The following TRABD2B variants were observed in gnomAD, a reference collection of about 807,000 sequenced individuals.
TRABD2B encodes TraB domain containing 2B, also known as metalloprotease TIKI2.
A neutral mutation model predicts 40.1 loss-of-function variants in TRABD2B; 14 were observed. The observed-to-expected ratio is 0.35, with a 90% CI of 0.23 to 0.55. TRABD2B has a LOEUF of 0.55. TRABD2B is among the 20% of genes least tolerant of loss of function. TRABD2B has a pLI of 0.90. For synonymous variants in TRABD2B, 263 were observed against 277.0 expected (o/e 0.95, Z 0.50); for missense variants, 541 against 648.6 (o/e 0.83, Z 1.80).
At position 47,813,294 on chromosome 1, in the gene TRABD2B, T is replaced by C. The variant is rs1011823810; in HGVS notation, c.667-11675A>G. 3.3e-5 allele frequency among the ~76,000 whole-genome samples: 5 copies of C among 152,142 alleles called. No homozygotes were observed. Among genetic ancestry groups the C allele is most frequent in the African/African-American group, 4.8e-5 (2 of 41,414 alleles). On this transcript the variant is annotated intron_variant, in intron 2 of 6. Coordinates refer to ENST00000606738, the MANE Select transcript of TRABD2B (RefSeq NM_001194986.2). The surrounding 1 kb of genome is among the most constrained non-coding windows in gnomAD (Gnocchi z 4.3). ...TCCAGCAGTATGGGGACCTCTGCTCTTCCTTAGTCCTGGGCAGTAGCCAAG... is the reference window on the plus strand; with the variant it reads ...TCCAGCAGTATGGGGACCTCTGCTCCTCCTTAGTCCTGGGCAGTAGCCAAG...
chr1:47,900,080 C>G (rs1335421588), intron 2 of TRABD2B, among the ~76,000 whole-genome samples: 5 of 152,154 alleles, frequency 3.3e-5, no homozygotes, highest in African/African-American at 1.2e-4. Context: ...CCACCCACCC[C>G]CAAGGACCTC....
chr1:47,941,321 T>C (rs114334162), intron 2 of TRABD2B, among the ~76,000 whole-genome samples: 3,552 of 152,196 alleles, frequency 0.023, 109 homozygotes, highest in Admixed American at 0.09. Flanking sequence ...AGCACACACG[T>C]GCATGTACAC....
At chr1:47,953,927 C>T (rs915379287) in intron 2 of TRABD2B, among the ~76,000 whole-genome samples, 4 of 152,314 alleles carry the variant, frequency 2.6e-5, no homozygotes, top group Admixed American at 6.5e-5. Context: ...AATCAGACAA[C>T]GTGAGCTCCC....
rs574419240 is a variant in TRABD2B at position 47,891,858 on chromosome 1, A to G, written c.667-90239T>C. Among the ~76,000 whole-genome samples the G allele has an allele frequency of 2.5e-3, 380 of 152,220 alleles. 1 individual carries two copies. The highest frequency in any genetic ancestry group is 8.8e-3 in the African/African-American group (366 of 41,518). On this transcript the variant is annotated intron_variant, in intron 2 of 6. Coordinates refer to ENST00000606738, the MANE Select transcript of TRABD2B (RefSeq NM_001194986.2). ...ACAAGAAAAAACAAAAATGAAAGAA[A>G]AAAAAAAGAAAGAGCAAGGGACTAG...
At chr1:47,829,469 G>T (rs903721643) in intron 2 of TRABD2B, among the ~76,000 whole-genome samples, 1 of 152,086 alleles carries the variant, frequency 6.6e-6, no homozygotes, top group African/African-American at 2.4e-5. Flanking sequence ...CCTCACTGTC[G>T]ATGGCGTGCA....
At chr1:47,792,460 G>GTGCC (rs745532465) in intron 4 of TRABD2B, among the ~76,000 whole-genome samples, 34 of 152,294 alleles carry the variant, frequency 2.2e-4, no homozygotes, top group Non-Finnish European at 3.8e-4. Flanking sequence ...GACTGGGATA[G>GTGCC]TGCCAGTGGG....
chr1:47,921,395 G>C (rs953661920), intron 2 of TRABD2B, among the ~76,000 whole-genome samples: 1 of 152,162 alleles, frequency 6.6e-6, no homozygotes, highest in African/African-American at 2.4e-5. Flanking sequence ...AGCTTCCCAG[G>C]TCCTTTCCAG....
At chr1:47,963,689 C>T (rs1645556424) in intron 2 of TRABD2B, among the ~76,000 whole-genome samples, 1 of 152,166 alleles carries the variant, frequency 6.6e-6, no homozygotes, top group African/African-American at 2.4e-5. Flanking sequence ...TAAAATTTCC[C>T]AGTGCCTTGC....
At chr1:47,841,352 CAAGAT>C (rs1645393952) in intron 2 of TRABD2B, among the ~76,000 whole-genome samples, 1 of 152,206 alleles carries the variant, frequency 6.6e-6, no homozygotes. Context: ...GTTGCAGCAA[CAAGAT>C]AAGACTCCCT....
chr1:47,983,131 C>T (rs1645865062), intron 2 of TRABD2B, among the ~76,000 whole-genome samples: 1 of 152,176 alleles, frequency 6.6e-6, no homozygotes, highest in African/African-American at 2.4e-5. Flanking sequence ...ACATACATGC[C>T]ATGGAATACT....
chr1:47,893,048 C>A (rs892585885), intron 2 of TRABD2B, among the ~76,000 whole-genome samples: 3 of 152,100 alleles, frequency 2.0e-5, no homozygotes, highest in African/African-American at 7.2e-5. Context: ...CCTGCAGAAG[C>A]CATTGTGAGG....
At chr1:47,801,399 A>G in intron 3 of TRABD2B, 74 bp downstream of exon 3, 1 of 1,431,812 alleles carries the variant, frequency 7.0e-7, no homozygotes, top group Non-Finnish European at 9.4e-7. Flanking sequence ...GCTGGAGAGA[A>G]GATTACCTAT....
chr1:47,938,804 C>A (rs1265264731), intron 2 of TRABD2B, among the ~76,000 whole-genome samples: 1 of 152,182 alleles, frequency 6.6e-6, no homozygotes, highest in Non-Finnish European at 1.5e-5. Flanking sequence ...AAGGTCTTGG[C>A]TGAGAACCAG....
rs1343155161 is a variant in TRABD2B at position 47,761,113 on chromosome 1, CCCAGGCAGGAAT to C, written c.*4777_*4788del. The C allele has an allele frequency of 6.6e-6, 1 of 152,368 alleles. No homozygotes were observed. The highest frequency in any genetic ancestry group is 1.5e-5 in the Non-Finnish European group (1 of 68,154). 9.4% of individuals were successfully genotyped at this position (152,368 alleles called of 1,614,324 possible). On this transcript the variant is annotated 3_prime_UTR_variant, in exon 7 of 7. Coordinates refer to ENST00000606738, the MANE Select transcript of TRABD2B (RefSeq NM_001194986.2). ...CCCCTGCCCTCCAGCCCTAGAACTG[CCCAGGCAGGAAT>C]CAAGGTCTTCATTTGACAGATGAGG...
intron 2 of TRABD2B, among the ~76,000 whole-genome samples, chr1:47,916,912 A>C (rs1339275755): frequency 6.6e-6 from 1 of 152,274 alleles, no homozygotes; most frequent in Non-Finnish European, 1.5e-5. Context: ...ACTATGTCTC[A>C]GGCACTAGCC....
chr1:47,825,567 TG>T (rs2124427228), intron 2 of TRABD2B, among the ~76,000 whole-genome samples: 1 of 152,332 alleles, frequency 6.6e-6, no homozygotes, highest in Non-Finnish European at 1.5e-5. Context: ...TCTTTACCTG[TG>T]GGATTGGATG....
intron 2 of TRABD2B, among the ~76,000 whole-genome samples, chr1:47,923,907 T>TACACACAC (rs1268599311): frequency 7.8e-5 from 5 of 64,148 alleles, no homozygotes; most frequent in African/African-American, 2.9e-4. Flanking sequence ...TCTACACACA[T>TACACACAC]ACACACATAC....
At chr1:47,993,039 A>G (rs1452084403) in intron 2 of TRABD2B, among the ~76,000 whole-genome samples, 1 of 152,246 alleles carries the variant, frequency 6.6e-6, no homozygotes, top group Non-Finnish European at 1.5e-5. Context: ...CGGAGGAGCA[A>G]GCAGGTCTGA....
chr1:47,764,553 T>A lies in TRABD2B; in HGVS notation c.*1349A>T, dbSNP rs1644279166. 1 of 152,192 alleles carries A rather than the reference T, an allele frequency of 6.6e-6. No homozygotes were observed. 9.4% of individuals were successfully genotyped at this position (152,192 alleles called of 1,614,324 possible). On this transcript the variant is annotated 3_prime_UTR_variant, in exon 7 of 7. Transcript: ENST00000606738. Reference sequence around the variant, plus strand: ...CTGTGCCCACCTCTCAGCCTTTGATTTGGCAGGAAAGCTTCTCGTGGGCTC... The same window carrying A: ...CTGTGCCCACCTCTCAGCCTTTGATATGGCAGGAAAGCTTCTCGTGGGCTC...
Sources: gnomAD v4.1 joint callset for allele counts (sites outside exome capture counted in the v4.1 genomes callset) on GRCh38, gnomAD v4.1.1 for gene constraint, Gnocchi (gnomAD v3.1) non-coding constraint, MANE v1.5 for transcripts, NCBI Gene and HGNC (gene_info 2026-07-23, HGNC 2026-07-21) for gene names.